The following SCHIP1 variants were observed in gnomAD, a reference collection of about 807,000 sequenced individuals.
SCHIP1 encodes the protein schwannomin-interacting protein 1.
In SCHIP1, 8 loss-of-function variants were observed where a neutral mutation model predicts 29.7. The ratio of observed to expected loss-of-function variants is 0.27; its 90% CI spans 0.16 to 0.49. The LOEUF (loss-of-function observed/expected upper bound fraction) is 0.49. Among genes scored for constraint, SCHIP1 ranks in the 20% least tolerant of loss-of-function variants. The pLI is 0.99. For missense variants in SCHIP1, 193 were observed against 294.6 expected (o/e 0.66, Z 2.52); for synonymous variants, 76 against 94.9 (o/e 0.80, Z 1.16).
chr3:159,440,518 AT>A, the SCHIP1 span, among the ~76,000 whole-genome samples: 1 of 152,110 alleles, frequency 6.6e-6, no homozygotes, highest in Admixed American at 6.6e-5. Context: ...TGAAGATGTG[AT>A]TTTTACTGTG....
chr3:159,697,939 A>G, the SCHIP1 span, among the ~76,000 whole-genome samples: 1 of 152,262 alleles, frequency 6.6e-6, no homozygotes, highest in South Asian at 2.1e-4. Flanking sequence ...TCTATGCATA[A>G]TAATTAGCAA....
the SCHIP1 span, among the ~76,000 whole-genome samples, chr3:159,567,455 A>T: frequency 6.6e-6 from 1 of 151,990 alleles, no homozygotes. Flanking sequence ...CTAACATTTT[A>T]GTTTTTATAC....
the SCHIP1 span, among the ~76,000 whole-genome samples, chr3:159,407,051 T>C: frequency 7.9e-5 from 12 of 152,174 alleles, no homozygotes; most frequent in Non-Finnish European, 1.0e-4. Context: ...AATAATAACA[T>C]TGAATATAAA....
At chr3:159,714,866 G>T in the SCHIP1 span, among the ~76,000 whole-genome samples, 7 of 152,220 alleles carry the variant, frequency 4.6e-5, no homozygotes, top group African/African-American at 1.7e-4. Context: ...AGACTTAAAC[G>T]TCCCTGTCTG....
the SCHIP1 span, among the ~76,000 whole-genome samples, chr3:159,547,049 G>A: frequency 1.3e-5 from 2 of 152,134 alleles, no homozygotes; most frequent in African/African-American, 4.8e-5. Flanking sequence ...AAGTGTAAAA[G>A]CACTCCTATT....
At chr3:159,338,771 A>G in the SCHIP1 span, among the ~76,000 whole-genome samples, 6 of 152,144 alleles carry the variant, frequency 3.9e-5, no homozygotes. Flanking sequence ...AATATATTGG[A>G]TGCTATGGTT....
chr3:159,450,764 A>G, the SCHIP1 span, among the ~76,000 whole-genome samples: 1 of 150,694 alleles, frequency 6.6e-6, no homozygotes, highest in Non-Finnish European at 1.5e-5. Context: ...AAATTATGAC[A>G]TTTGAAAATG....
chr3:159,745,715 T>C, the SCHIP1 span, among the ~76,000 whole-genome samples: 1 of 152,248 alleles, frequency 6.6e-6, no homozygotes, highest in African/African-American at 2.4e-5. Flanking sequence ...GTTTAATTCA[T>C]GTTGTAGGAT....
the SCHIP1 span, among the ~76,000 whole-genome samples, chr3:159,522,061 G>A: frequency 2.0e-5 from 3 of 152,176 alleles, no homozygotes; most frequent in Non-Finnish European, 2.9e-5. Flanking sequence ...AAGTTCAAAA[G>A]TGTAATTAGA....
At chr3:159,302,616 C>G in the SCHIP1 span, among the ~76,000 whole-genome samples, 1 of 152,094 alleles carries the variant, frequency 6.6e-6, no homozygotes, top group Non-Finnish European at 1.5e-5. Context: ...CGAAATTATC[C>G]CACTATGAAA....
At chr3:159,329,691 A>C in the SCHIP1 span, among the ~76,000 whole-genome samples, 1 of 152,210 alleles carries the variant, frequency 6.6e-6, no homozygotes, top group Non-Finnish European at 1.5e-5. Context: ...TATAGTCATA[A>C]TCTTCCTTCC....
chr3:159,295,273 A>AC, the SCHIP1 span, among the ~76,000 whole-genome samples: 1 of 141,050 alleles, frequency 7.1e-6, no homozygotes, highest in Non-Finnish European at 1.6e-5. Flanking sequence ...AAAAAAAAAA[A>AC]AAACAACTAG....
the SCHIP1 span, among the ~76,000 whole-genome samples, chr3:159,735,268 C>T: frequency 2.0e-5 from 3 of 149,926 alleles, no homozygotes; most frequent in Admixed American, 6.6e-5. Context: ...CTTGCTCTGT[C>T]GCCCAGGCTG....
the SCHIP1 span, among the ~76,000 whole-genome samples, chr3:159,720,959 A>C: frequency 2.6e-5 from 4 of 152,208 alleles, no homozygotes; most frequent in Admixed American, 2.0e-4. Flanking sequence ...GTATTTAATA[A>C]TTAAATTCTA....
the SCHIP1 span, among the ~76,000 whole-genome samples, chr3:159,729,576 T>G: frequency 1.3e-5 from 2 of 152,168 alleles, no homozygotes; most frequent in Non-Finnish European, 2.9e-5. Flanking sequence ...AATGAAAAAG[T>G]TCCCATTTAA....
At chr3:159,611,031 A>G in the SCHIP1 span, among the ~76,000 whole-genome samples, 2 of 152,142 alleles carry the variant, frequency 1.3e-5, no homozygotes, top group Non-Finnish European at 2.9e-5. Context: ...AAATAAGAAT[A>G]TTATCTCCAG....
the SCHIP1 span, among the ~76,000 whole-genome samples, chr3:159,473,876 A>T: frequency 6.6e-6 from 1 of 152,078 alleles, no homozygotes. Context: ...TAAGTGCTAC[A>T]TAGTTTACAT....
chr3:159,304,675 T>C, the SCHIP1 span, among the ~76,000 whole-genome samples: 1 of 152,228 alleles, frequency 6.6e-6, no homozygotes. Context: ...CATTTACTTA[T>C]CTTGCTGGCA....
At chr3:159,870,101 ACT>A (rs1304446639) in intron 2 of SCHIP1, among the ~76,000 whole-genome samples, 1 of 151,742 alleles carries the variant, frequency 6.6e-6, no homozygotes, top group East Asian at 1.9e-4. Context: ...TTACTTCTCT[ACT>A]CTCCTATTAT....
Sources: allele counts gnomAD v4.1 joint callset (sites outside exome capture counted in the v4.1 genomes callset), GRCh38; gene constraint gnomAD v4.1.1; transcripts MANE v1.5; gene names NCBI Gene and HGNC (gene_info 2026-07-23, HGNC 2026-07-21).